Variants in TCF4 observed in about 807,000 individuals in gnomAD.
TCF4 encodes the protein SL3-3 enhancer factor 2.
TCF4 carries 3 observed loss-of-function variants against 82.1 expected under a neutral mutation model. That is an observed-to-expected ratio of 0.04 (90% CI 0.02 to 0.09). The LOEUF (loss-of-function observed/expected upper bound fraction) is 0.09. Ranked by LOEUF, TCF4 falls within the 10% of genes least tolerant of loss-of-function variation. TCF4 has a pLI of 1.00. For synonymous variants in TCF4, 276 were observed against 309.6 expected (o/e 0.89, Z 1.14); for missense variants, 518 against 852.7 (o/e 0.61, Z 4.89).
intron 9 of TCF4, 126 bp downstream of exon 9, chr18:55,279,425 G>A (rs919688757): frequency 7.1e-7 from 1 of 1,406,636 alleles, no homozygotes; most frequent in Admixed American, 1.9e-5. Flanking sequence ...CAATTCCTAA[G>A]AAGAGCATGA....
At chr18:55,436,545 T>G (rs2095333412) in intron 5 of TCF4, among the ~76,000 whole-genome samples, 1 of 152,160 alleles carries the variant, frequency 6.6e-6, no homozygotes. Context: ...TTAATTTTCT[T>G]AAATATACAG....
chr18:55,605,511 C>T (rs1004485469), intron 2 of TCF4, among the ~76,000 whole-genome samples: 11 of 152,156 alleles, frequency 7.2e-5, no homozygotes, highest in African/African-American at 2.4e-4. Context: ...ACTGAGTAAA[C>T]TCCTGAGATA....
At chr18:55,288,642 C>T (rs1009775904) in intron 8 of TCF4, among the ~76,000 whole-genome samples, 1 of 152,284 alleles carries the variant, frequency 6.6e-6, no homozygotes, top group South Asian at 2.1e-4. Context: ...GGCTGTTTTG[C>T]CCGTAGAGAA....
intron 5 of TCF4, among the ~76,000 whole-genome samples, chr18:55,438,046 C>T (rs1236480759): frequency 6.6e-6 from 1 of 151,764 alleles, no homozygotes; most frequent in Non-Finnish European, 1.5e-5. Flanking sequence ...ACTAAAAATA[C>T]AAAAATTAAC....
At chr18:55,281,175 A>C (rs1322804161) in intron 8 of TCF4, among the ~76,000 whole-genome samples, 2 of 152,096 alleles carry the variant, frequency 1.3e-5, no homozygotes, top group African/African-American at 4.8e-5. Flanking sequence ...TACAATAAGG[A>C]AAAAAAACTT....
chr18:55,304,238 G>T (rs1025533597), intron 8 of TCF4, among the ~76,000 whole-genome samples: 1 of 152,084 alleles, frequency 6.6e-6, no homozygotes, highest in Non-Finnish European at 1.5e-5. Context: ...GAAGAAGACG[G>T]TATGAAAGAA....
At chr18:55,383,690 G>T (rs367747514) in intron 6 of TCF4, among the ~76,000 whole-genome samples, 36 of 152,320 alleles carry the variant, frequency 2.4e-4, no homozygotes, top group African/African-American at 8.7e-4. Flanking sequence ...TTACTACGGG[G>T]TTGGCCATAC....
chr18:55,509,563 A>G (rs1775745562), intron 3 of TCF4, among the ~76,000 whole-genome samples: 1 of 152,188 alleles, frequency 6.6e-6, no homozygotes, highest in Non-Finnish European at 1.5e-5. Flanking sequence ...TCCCCACTAA[A>G]AATACAGTTT....
At chr18:55,381,920 T>C (rs2091969145) in intron 6 of TCF4, among the ~76,000 whole-genome samples, 1 of 149,180 alleles carries the variant, frequency 6.7e-6, no homozygotes. Context: ...GTTTTTTTTT[T>C]TTTTTAAAAA....
At chr18:55,233,709 C>T (rs574595141) in intron 16 of TCF4, among the ~76,000 whole-genome samples, 6 of 151,508 alleles carry the variant, frequency 4.0e-5, no homozygotes, top group East Asian at 3.9e-4. Flanking sequence ...CTAGCTACCC[C>T]CTGGGAGGCT....
chr18:55,494,520 C>T (rs2096611682), intron 3 of TCF4, among the ~76,000 whole-genome samples: 1 of 152,092 alleles, frequency 6.6e-6, no homozygotes, highest in Admixed American at 6.6e-5. Flanking sequence ...CCTCACTCTA[C>T]TTAGCAGGCG....
At chr18:55,298,247 A>G (rs2067107994) in intron 8 of TCF4, among the ~76,000 whole-genome samples, 1 of 152,230 alleles carries the variant, frequency 6.6e-6, no homozygotes, top group Non-Finnish European at 1.5e-5. Context: ...GGTTCATCTG[A>G]GTGAGAACTG....
intron 3 of TCF4, among the ~76,000 whole-genome samples, chr18:55,513,370 T>G (rs1440462436): frequency 1.1e-3 from 1 of 916 alleles, no homozygotes; most frequent in African/African-American, 0.028. Context: ...AGCCCTCAGC[T>G]TTTTTTTTTT....
intron 6 of TCF4, among the ~76,000 whole-genome samples, chr18:55,355,180 T>A: frequency 6.6e-6 from 1 of 152,112 alleles, no homozygotes; most frequent in East Asian, 1.9e-4. Context: ...TGGAAAAAAA[T>A]TCTGAACCAC....
In TCF4 at chr18:55,610,828, T is replaced by A. The variant is rs588426; in HGVS notation, c.286+20470A>T. ...TTTGCAATTTCAACAGCATTTTACA[T>A]GAGCTGGATTTAATATAATTGATGA... On this transcript the variant is annotated intron_variant, in intron 2 of 20. Coordinates refer to the TCF4 transcript ENST00000398339. 1.6e-3 allele frequency among the ~76,000 whole-genome samples: 238 copies of A among 152,296 alleles called. 1 individual carries two copies. The highest frequency in any genetic ancestry group is 5.7e-3 in the African/African-American group (235 of 41,548).
chr18:55,478,205 A>G (rs1472160203), intron 3 of TCF4, among the ~76,000 whole-genome samples: 2 of 152,198 alleles, frequency 1.3e-5, no homozygotes, highest in Non-Finnish European at 2.9e-5. Context: ...TTTTTAACAC[A>G]GCAAAGATTG....
chr18:55,288,593 C>T (rs1351258665), intron 8 of TCF4, among the ~76,000 whole-genome samples: 1 of 152,208 alleles, frequency 6.6e-6, no homozygotes, highest in Non-Finnish European at 1.5e-5. Flanking sequence ...TTTGTAGAGT[C>T]CTAAGTCCCC....
intron 5 of TCF4, among the ~76,000 whole-genome samples, chr18:55,447,146 A>G (rs181470151): frequency 1.9e-4 from 29 of 152,210 alleles, no homozygotes; most frequent in Non-Finnish European, 3.2e-4. Flanking sequence ...TCTACAAAAA[A>G]TAAAAATAGA....
intron 5 of TCF4, among the ~76,000 whole-genome samples, chr18:55,438,313 T>G (rs956281326): frequency 1.4e-5 from 2 of 140,098 alleles, no homozygotes; most frequent in Admixed American, 7.3e-5. Context: ...GCCATTGAGG[T>G]GGGGTTGGTA....
Sources: gnomAD v4.1 joint callset for allele counts (sites outside exome capture counted in the v4.1 genomes callset) on GRCh38, gnomAD v4.1.1 for gene constraint, MANE v1.5 for transcripts, NCBI Gene and HGNC (gene_info 2026-07-23, HGNC 2026-07-21) for gene names.